The following FSTL4 variants were observed in gnomAD, a reference collection of about 807,000 sequenced individuals.
The protein encoded by FSTL4 is follistatin like 4, also known as follistatin-related protein 4.
FSTL4 carries 28 observed loss-of-function variants against 78.2 expected under a neutral mutation model. That is an observed-to-expected ratio of 0.36 (90% CI 0.27 to 0.49). The LOEUF (loss-of-function observed/expected upper bound fraction) is 0.49. FSTL4 is among the 20% of genes least tolerant of loss of function. The pLI is 0.98. For synonymous variants in FSTL4, 422 were observed against 440.5 expected (o/e 0.96, Z 0.53); for missense variants, 922 against 1,084.9 (o/e 0.85, Z 2.11).
chr5:133,565,966 A>G (rs1760018220), intron 3 of FSTL4, among the ~76,000 whole-genome samples: 1 of 152,174 alleles, frequency 6.6e-6, no homozygotes, highest in African/African-American at 2.4e-5. Flanking sequence ...CATTGTGAAC[A>G]CTACTTTCCA....
intron 3 of FSTL4, 21 bp downstream of exon 3, chr5:133,567,165 G>T: frequency 6.5e-7 from 1 of 1,548,596 alleles, no homozygotes; most frequent in Non-Finnish European, 8.9e-7. Context: ...AATAAAATGG[G>T]TATGAGTGCA....
intron 11 of FSTL4, among the ~76,000 whole-genome samples, chr5:133,223,007 G>A (rs1751196873): frequency 6.6e-6 from 1 of 152,222 alleles, no homozygotes; most frequent in Admixed American, 6.5e-5. Context: ...TGGGTCTTTA[G>A]CGGGCACTGG....
the FSTL4 span, among the ~76,000 whole-genome samples, chr5:133,743,055 A>G: frequency 1.3e-5 from 2 of 152,134 alleles, no homozygotes; most frequent in Admixed American, 6.5e-5. Flanking sequence ...CAAAGCAATC[A>G]TCTCTCCTAG....
chr5:133,486,161 T>A (rs866201666), intron 3 of FSTL4, among the ~76,000 whole-genome samples: 3 of 149,848 alleles, frequency 2.0e-5, no homozygotes, highest in African/African-American at 7.4e-5. Flanking sequence ...AGAGACAGGA[T>A]TGGGGGAAGG....
At chr5:133,745,854 G>C in the FSTL4 span, among the ~76,000 whole-genome samples, 1 of 152,362 alleles carries the variant, frequency 6.6e-6, no homozygotes, top group South Asian at 2.1e-4. Context: ...CCCTGCAGGG[G>C]TTCCAGGAGC....
intron 12 of FSTL4, among the ~76,000 whole-genome samples, chr5:133,219,476 T>TC (rs1379773111): frequency 3.5e-4 from 53 of 152,322 alleles, no homozygotes; most frequent in Non-Finnish European, 5.7e-4. Context: ...GGCTATGCCT[T>TC]TATCTGTGAC....
intron 3 of FSTL4, among the ~76,000 whole-genome samples, chr5:133,538,568 T>A (rs996091906): frequency 6.6e-6 from 1 of 152,160 alleles, no homozygotes; most frequent in Non-Finnish European, 1.5e-5. Context: ...TTTTTTTTTT[T>A]AACTCCATCT....
intron 4 of FSTL4, among the ~76,000 whole-genome samples, chr5:133,368,123 T>C (rs982679539): frequency 6.6e-6 from 1 of 152,234 alleles, no homozygotes; most frequent in Non-Finnish European, 1.5e-5. Context: ...AAGAGCATCT[T>C]TGTTTAGCTG....
chr5:133,387,098 G>T (rs1425395967), intron 4 of FSTL4, among the ~76,000 whole-genome samples: 1 of 152,190 alleles, frequency 6.6e-6, no homozygotes, highest in Non-Finnish European at 1.5e-5. Flanking sequence ...CAGCAAAGCT[G>T]CATGAAGTCT....
chr5:133,436,742 G>A (rs1407664699), intron 3 of FSTL4, among the ~76,000 whole-genome samples: 2 of 151,924 alleles, frequency 1.3e-5, no homozygotes, highest in African/African-American at 2.4e-5. Flanking sequence ...ACCGAGAACC[G>A]GTTGTTAAAC....
At chr5:133,827,513 T>G in the FSTL4 span, among the ~76,000 whole-genome samples, 1 of 152,050 alleles carries the variant, frequency 6.6e-6, no homozygotes, top group Non-Finnish European at 1.5e-5. Context: ...TCTAGGAAAA[T>G]GGAGAGTGGA....
chr5:133,444,762 G>A (rs1403815137), intron 3 of FSTL4, among the ~76,000 whole-genome samples: 3 of 152,190 alleles, frequency 2.0e-5, no homozygotes, highest in Admixed American at 2.0e-4. Flanking sequence ...GATACGTGGT[G>A]CTTATTAGCT....
chr5:133,497,470 C>T (rs1337830545), intron 3 of FSTL4, among the ~76,000 whole-genome samples: 1 of 152,192 alleles, frequency 6.6e-6, no homozygotes, highest in Non-Finnish European at 1.5e-5. Flanking sequence ...TGTTGTTTGC[C>T]TGAGGGGCAG....
the FSTL4 span, among the ~76,000 whole-genome samples, chr5:133,637,578 C>T: frequency 6.6e-6 from 1 of 151,926 alleles, no homozygotes; most frequent in Non-Finnish European, 1.5e-5. Context: ...TGGGACATTG[C>T]ACTCCTGGTT....
chr5:133,327,446 A>G (rs1205447358), intron 4 of FSTL4, among the ~76,000 whole-genome samples: 6 of 152,168 alleles, frequency 3.9e-5, no homozygotes, highest in African/African-American at 1.4e-4. Context: ...GACAGGGCTC[A>G]CTTGGCCACC....
intron 4 of FSTL4, among the ~76,000 whole-genome samples, chr5:133,339,502 C>T (rs1426991108): frequency 6.6e-6 from 1 of 152,122 alleles, no homozygotes; most frequent in Non-Finnish European, 1.5e-5. Flanking sequence ...ATCATCTCTG[C>T]TTCCTCTACT....
chr5:133,397,294 G>T (rs543005451), intron 4 of FSTL4, among the ~76,000 whole-genome samples: 1 of 152,320 alleles, frequency 6.6e-6, no homozygotes, highest in African/African-American at 2.4e-5. Flanking sequence ...AGGATTTGGT[G>T]CTGAGGAAAA....
intron 13 of FSTL4, among the ~76,000 whole-genome samples, chr5:133,216,445 G>A (rs994022412): frequency 6.6e-5 from 10 of 151,920 alleles, no homozygotes; most frequent in African/African-American, 1.7e-4. Context: ...TCGGCCTCCC[G>A]TCAAGTGATT....
At chr5:133,732,056 C>T in the FSTL4 span, among the ~76,000 whole-genome samples, 2 of 152,158 alleles carry the variant, frequency 1.3e-5, no homozygotes, top group Non-Finnish European at 2.9e-5. Context: ...TGTGTGCTTC[C>T]CACCGGGCAC....
Sources: allele counts gnomAD v4.1 joint callset (sites outside exome capture counted in the v4.1 genomes callset), GRCh38; gene constraint gnomAD v4.1.1; transcripts MANE v1.5; gene names NCBI Gene and HGNC (gene_info 2026-07-23, HGNC 2026-07-21).